The following STK31 variants were observed in gnomAD, a reference collection of about 807,000 sequenced individuals.
STK31 encodes serine/threonine kinase 31.
A neutral mutation model predicts 129.7 loss-of-function variants in STK31; 89 were observed. That is an observed-to-expected ratio of 0.69 (90% CI 0.58 to 0.82). The LOEUF (loss-of-function observed/expected upper bound fraction) is 0.82. Among genes scored for constraint, STK31 ranks in the 40% least tolerant of loss-of-function variants. The pLI is 0.00. For missense variants in STK31, 1,187 were observed against 1,176.4 expected (o/e 1.01, Z -0.13); for synonymous variants, 448 against 395.3 (o/e 1.13, Z -1.58).
intron 11 of STK31, 142 bp from the exon 12 acceptor site, chr7:23,768,853 C>T: frequency 1.5e-6 from 1 of 654,076 alleles, no homozygotes; most frequent in Non-Finnish European, 2.3e-6. Context: ...TCATCTCTAT[C>T]TGATGATTCT....
intron 15 of STK31, among the ~76,000 whole-genome samples, chr7:23,773,112 G>A (rs575846469): frequency 6.6e-6 from 1 of 152,026 alleles, no homozygotes; most frequent in South Asian, 2.1e-4. Context: ...TGTTACATAG[G>A]TATACACGTG....
chr7:23,785,473 C>T lies in STK31; in HGVS notation c.2149-5C>T. On this transcript the variant is annotated splice_polypyrimidine_tract_variant and splice_region_variant and intron_variant, in intron 17 of 23. Transcript: ENST00000355870. ...TCTTTAACTGTGATAAAAACTTGTG[C>T]CTAGAACTCTGGTGGTCTCCTTACA... The T allele has an allele frequency of 6.2e-7, 1 of 1,611,944 alleles. No individual in the cohort carries two copies. Among genetic ancestry groups the T allele is most frequent in the South Asian group, 1.1e-5 (1 of 90,912 alleles).
intron 4 of STK31, chr7:23,726,225 A>G (rs777348173): frequency 6.6e-6 from 1 of 152,010 alleles, no homozygotes; most frequent in Non-Finnish European, 1.5e-5. Flanking sequence ...GCTTGTCACA[A>G]CTGGAAGTGG....
chr7:23,830,592 T>TTGTGTG (rs3034048), intron 23 of STK31, among the ~76,000 whole-genome samples: 22,094 of 142,010 alleles, frequency 0.16, 1,882 homozygotes, highest in Middle Eastern at 0.23. Flanking sequence ...AATTTCCATG[T>TTGTGTG]TGTGTGTGTG....
chr7:23,737,000 T>C lies in STK31; in HGVS notation c.939T>C (p.Leu313=), dbSNP rs747493862. 6.2e-6 allele frequency: 10 copies of C among 1,613,626 alleles called. No individual in the cohort carries two copies. The highest frequency in any genetic ancestry group is 7.6e-6 in the Non-Finnish European group (9 of 1,179,886). ...AACTGATTGAAGAAAATGAAAAACT[T>C]AAAACAGAGAAGGACGCTCTTCTTG... The part of the protein sequence containing the change: ...DQKLIEENEK[L]KTEKDALLES... The change falls in exon 8 of 24, where the codon CTT becomes CTC. Residue 313 remains leucine, a synonymous_variant. Coordinates refer to ENST00000355870, the MANE Select transcript of STK31 (RefSeq NM_031414.5).
chr7:23,744,996 G>C (rs1177637074), intron 8 of STK31, among the ~76,000 whole-genome samples: 1 of 152,180 alleles, frequency 6.6e-6, no homozygotes. Context: ...TGGGCTCTTA[G>C]GCAGTGGGCA....
At chr7:23,798,862 A>C (rs1792182589) in intron 22 of STK31, among the ~76,000 whole-genome samples, 1 of 152,232 alleles carries the variant, frequency 6.6e-6, no homozygotes, top group Admixed American at 6.5e-5. Context: ...ATCTCAGCCC[A>C]AAATCTCCTT....
intron 15 of STK31, among the ~76,000 whole-genome samples, chr7:23,773,206 CCT>C (rs1289826526): frequency 1.3e-5 from 2 of 152,052 alleles, no homozygotes; most frequent in African/African-American, 4.8e-5. Context: ...ACCCCCACCC[CCT>C]GACAGGCCCA....
intron 8 of STK31, among the ~76,000 whole-genome samples, chr7:23,740,084 A>G (rs1423534328): frequency 6.6e-6 from 1 of 152,086 alleles, no homozygotes. Flanking sequence ...TTTTCATGGT[A>G]TTGATTCTTC....
chr7:23,757,259 C>CA (rs1411002558), intron 10 of STK31, among the ~76,000 whole-genome samples: 1 of 151,866 alleles, frequency 6.6e-6, no homozygotes, highest in Non-Finnish European at 1.5e-5. Flanking sequence ...TCAGGTGGAA[C>CA]GAGAGACTTG....
At chr7:23,763,988 A>C (rs917342728) in intron 11 of STK31, among the ~76,000 whole-genome samples, 2 of 152,160 alleles carry the variant, frequency 1.3e-5, no homozygotes, top group Non-Finnish European at 2.9e-5. Flanking sequence ...AGCTTGCTAG[A>C]AATTTGGAGA....
Position 23,784,615 on chromosome 7 carries a change from G to A in STK31, c.2149-863G>A, listed in dbSNP as rs568689644. On this transcript the variant is annotated intron_variant, in intron 17 of 23. Coordinates refer to ENST00000355870, the MANE Select transcript of STK31 (RefSeq NM_031414.5). ...TTTAATGGCTTTCTGATGTTTAACT[G>A]TAATGTATGCTTAGGAATTTTTTGT... Among the ~76,000 whole-genome samples, 9 of 152,018 alleles carry A rather than the reference G, an allele frequency of 5.9e-5. No homozygotes were observed. In the East Asian group the frequency reaches 1.5e-3, roughly 26 times the overall value.
intron 11 of STK31, 68 bp from the exon 12 acceptor site, chr7:23,768,927 C>A: frequency 2.2e-6 from 3 of 1,336,796 alleles, no homozygotes; most frequent in Non-Finnish European, 3.0e-6. Flanking sequence ...CCCCTTAGAT[C>A]CTAACACAGT....
At chr7:23,791,354 A>C (rs1169191027) in intron 22 of STK31, 1 of 974,322 alleles carries the variant, frequency 1.0e-6, no homozygotes, top group Non-Finnish European at 1.2e-6. Flanking sequence ...CCATTATCCT[A>C]AGCGAATTTA....
chr7:23,794,241 C>T (rs1373921408), intron 22 of STK31, among the ~76,000 whole-genome samples: 2 of 152,116 alleles, frequency 1.3e-5, no homozygotes, highest in East Asian at 3.9e-4. Flanking sequence ...TTCCCCCATG[C>T]AGTTCTTGTG....
At chr7:23,757,780 C>T (rs369361608) in intron 10 of STK31, among the ~76,000 whole-genome samples, 31 of 152,206 alleles carry the variant, frequency 2.0e-4, no homozygotes, top group Middle Eastern at 3.4e-3. Flanking sequence ...GGCTGGGGGA[C>T]GGTCAGGTCT....
intron 21 of STK31, 95 bp from the exon 22 acceptor site, chr7:23,790,729 G>GTATTTTGT: frequency 8.5e-7 from 1 of 1,182,294 alleles, no homozygotes; most frequent in South Asian, 2.5e-5. Context: ...TATTTAAAAT[G>GTATTTTGT]AATTTGTTTT....
chr7:23,754,653 C>T (rs533555714), intron 10 of STK31, among the ~76,000 whole-genome samples, 179 bp downstream of exon 10: 5 of 152,250 alleles, frequency 3.3e-5, no homozygotes, highest in African/African-American at 1.2e-4. Context: ...TCCCTCACCC[C>T]CCCATTTCCT....
intron 22 of STK31, among the ~76,000 whole-genome samples, chr7:23,808,354 G>T (rs925388469): frequency 1.3e-5 from 2 of 151,662 alleles, no homozygotes; most frequent in African/African-American, 2.4e-5. Flanking sequence ...GAGTTCTTTT[G>T]ACACCGGGAG....
Sources: gnomAD v4.1 joint callset for allele counts (sites outside exome capture counted in the v4.1 genomes callset) on GRCh38, gnomAD v4.1.1 for gene constraint, MANE v1.5 for transcripts, NCBI Gene and HGNC (gene_info 2026-07-23, HGNC 2026-07-21) for gene names.